The following CSMD1 variants were observed in gnomAD, a reference collection of about 807,000 sequenced individuals.
The protein encoded by CSMD1 is CUB and sushi domain-containing protein 1.
A neutral mutation model predicts 417.5 loss-of-function variants in CSMD1; 213 were observed. The ratio of observed to expected loss-of-function variants is 0.51; its 90% confidence interval spans 0.46 to 0.57. CSMD1 has a LOEUF of 0.57. Ranked by LOEUF, CSMD1 falls within the 20% of genes least tolerant of loss-of-function variation. The probability of loss-of-function intolerance (pLI) is 0.00; values close to 1 mark genes in which losing one functional copy is unlikely to be tolerated. For synonymous variants in CSMD1, 2,862 were observed against 1,736.8 expected (o/e 1.65, Z -16.11); for missense variants, 6,923 against 4,529.7 (o/e 1.53, Z -15.17).
intron 18 of CSMD1, among the ~76,000 whole-genome samples, chr8:3,371,169 G>A (rs1049367439): frequency 6.6e-6 from 1 of 152,102 alleles, no homozygotes; most frequent in African/African-American, 2.4e-5. Context: ...TGTCTAGCTT[G>A]CAGAAGGCAG....
intron 10 of CSMD1, among the ~76,000 whole-genome samples, chr8:3,528,799 G>A (rs1431600278): frequency 6.6e-6 from 1 of 151,980 alleles, no homozygotes; most frequent in Non-Finnish European, 1.5e-5. Flanking sequence ...GAAAACACCT[G>A]GATAAAATTA....
At chr8:4,890,051 G>C (rs1212600914) in intron 1 of CSMD1, among the ~76,000 whole-genome samples, 2 of 152,038 alleles carry the variant, frequency 1.3e-5, no homozygotes, top group Non-Finnish European at 2.9e-5. Context: ...GAAAGGTAAA[G>C]GTGCTAAAAC....
At chr8:3,006,385 C>G (rs1189601381) in intron 52 of CSMD1, among the ~76,000 whole-genome samples, 2 of 149,030 alleles carry the variant, frequency 1.3e-5, no homozygotes, top group Admixed American at 6.7e-5. Context: ...CCCCATCAAG[C>G]TACCAATGAC....
chr8:4,434,308 G>T (rs1221521053), intron 2 of CSMD1, among the ~76,000 whole-genome samples: 2 of 152,190 alleles, frequency 1.3e-5, no homozygotes, highest in East Asian at 3.9e-4. Flanking sequence ...GGAGGTTGCA[G>T]TGAGCTGAGA....
At chr8:3,286,226 T>C (rs980340321) in intron 25 of CSMD1, among the ~76,000 whole-genome samples, 3 of 152,198 alleles carry the variant, frequency 2.0e-5, no homozygotes, top group Non-Finnish European at 4.4e-5. Context: ...CAGTCTATCA[T>C]TGTTGGACAT....
At chr8:4,751,591 C>G (rs1356212160) in intron 1 of CSMD1, among the ~76,000 whole-genome samples, 1 of 152,058 alleles carries the variant, frequency 6.6e-6, no homozygotes, top group Non-Finnish European at 1.5e-5. Flanking sequence ...AGATAAAAAA[C>G]AGAGTTTATT....
intron 2 of CSMD1, among the ~76,000 whole-genome samples, chr8:4,636,075 G>C (rs1802796573): frequency 6.6e-6 from 1 of 151,826 alleles, no homozygotes; most frequent in African/African-American, 2.4e-5. Flanking sequence ...TTATAAACTA[G>C]ATGTACACAT....
At chr8:3,889,433 G>T (rs1585145706) in intron 5 of CSMD1, among the ~76,000 whole-genome samples, 2 of 109,152 alleles carry the variant, frequency 1.8e-5, no homozygotes, top group Admixed American at 1.1e-4. Flanking sequence ...GTCATTAGTT[G>T]ATATGCTTCT....
chr8:4,236,210 T>C (rs1802049815), intron 3 of CSMD1, among the ~76,000 whole-genome samples: 1 of 152,086 alleles, frequency 6.6e-6, no homozygotes, highest in Non-Finnish European at 1.5e-5. Context: ...TCTGCGGGAA[T>C]TCATAGATCT....
At chr8:4,146,030 G>A (rs1008046769) in intron 3 of CSMD1, among the ~76,000 whole-genome samples, 2 of 150,742 alleles carry the variant, frequency 1.3e-5, no homozygotes, top group African/African-American at 5.0e-5. Flanking sequence ...AAAATCTGTT[G>A]GGGAGTGAAC....
At chr8:4,752,515 A>G (rs578250648) in intron 1 of CSMD1, among the ~76,000 whole-genome samples, 1 of 152,318 alleles carries the variant, frequency 6.6e-6, no homozygotes, top group East Asian at 1.9e-4. Flanking sequence ...TAAAACGTGA[A>G]TACCTCTTTG....
At chr8:3,660,443 A>G (rs1379556161) in intron 7 of CSMD1, among the ~76,000 whole-genome samples, 1 of 144,316 alleles carries the variant, frequency 6.9e-6, no homozygotes, top group East Asian at 2.1e-4. Flanking sequence ...ACACAGGAGT[A>G]AGAATTTATA....
At chr8:4,527,731 C>T (rs569672202) in intron 2 of CSMD1, among the ~76,000 whole-genome samples, 1 of 152,278 alleles carries the variant, frequency 6.6e-6, no homozygotes, top group Middle Eastern at 3.4e-3. Context: ...TAATGAAATG[C>T]ATCATATACA....
At chr8:4,709,832 C>T (rs778453391) in intron 1 of CSMD1, among the ~76,000 whole-genome samples, 5 of 152,002 alleles carry the variant, frequency 3.3e-5, no homozygotes, top group Admixed American at 2.6e-4. Context: ...CCAGTCGTCC[C>T]GCAGAGTAAA....
intron 30 of CSMD1, among the ~76,000 whole-genome samples, chr8:3,209,450 G>T (rs1797480959): frequency 2.0e-5 from 3 of 151,960 alleles, no homozygotes; most frequent in Admixed American, 1.3e-4. Flanking sequence ...CCGAGTAGCT[G>T]GGACTACAGG....
At chr8:4,515,242 G>C (rs1371323548) in intron 2 of CSMD1, among the ~76,000 whole-genome samples, 1 of 152,168 alleles carries the variant, frequency 6.6e-6, no homozygotes. Flanking sequence ...TAGGTGCTCT[G>C]CTAGGAAATG....
At chr8:3,992,566 T>C (rs1469604851) in intron 5 of CSMD1, among the ~76,000 whole-genome samples, 2 of 152,216 alleles carry the variant, frequency 1.3e-5, no homozygotes, top group Admixed American at 1.3e-4. Flanking sequence ...GCAGAATTCC[T>C]TGAGTCCAGG....
At chr8:3,776,150 C>T (rs932727486) in intron 5 of CSMD1, among the ~76,000 whole-genome samples, 1 of 152,184 alleles carries the variant, frequency 6.6e-6, no homozygotes, top group East Asian at 1.9e-4. Context: ...TGCTCATCTG[C>T]ACATCATACG....
intron 2 of CSMD1, among the ~76,000 whole-genome samples, chr8:4,422,334 C>T (rs912483204): frequency 6.6e-6 from 1 of 152,066 alleles, no homozygotes; most frequent in African/African-American, 2.4e-5. Flanking sequence ...TATGCTCCTC[C>T]CACCAATTCA....
Sources: gnomAD v4.1 joint callset for allele counts (sites outside exome capture counted in the v4.1 genomes callset) on GRCh38, gnomAD v4.1.1 for gene constraint, MANE v1.5 for transcripts, NCBI Gene and HGNC (gene_info 2026-07-23, HGNC 2026-07-21) for gene names.